Variants in PARP4 observed in about 807,000 individuals in gnomAD.
PARP4 encodes poly(ADP-ribose) polymerase family member 4.
A neutral mutation model predicts 187.7 loss-of-function variants in PARP4; 120 were observed. That is an observed-to-expected ratio of 0.64 (90% CI 0.55 to 0.74). The LOEUF (loss-of-function observed/expected upper bound fraction) is 0.74. Ranked by LOEUF, PARP4 falls within the 30% of genes least tolerant of loss-of-function variation. The pLI, the probability that PARP4 is intolerant of heterozygous loss-of-function variation, is 0.00. For synonymous variants in PARP4, 654 were observed against 740.9 expected (o/e 0.88, Z 1.90); for missense variants, 1,836 against 2,070.5 (o/e 0.89, Z 2.20).
At chr13:24,439,801 T>C (rs534356998) in intron 30 of PARP4, among the ~76,000 whole-genome samples, 137 of 152,244 alleles carry the variant, frequency 9.0e-4, no homozygotes, top group African/African-American at 3.2e-3. Context: ...AACAATGCAC[T>C]CCAAGGGCCC....
At chr13:24,502,966 G>A (rs1213217284) in intron 2 of PARP4, among the ~76,000 whole-genome samples, 10 of 152,190 alleles carry the variant, frequency 6.6e-5, no homozygotes, top group African/African-American at 1.4e-4. Context: ...TCATCAATTC[G>A]TCAACAGAGG....
intron 13 of PARP4, 40 bp from the exon 14 acceptor site, chr13:24,477,897 G>A (rs758641055): frequency 8.2e-6 from 12 of 1,460,894 alleles, no homozygotes; most frequent in Non-Finnish European, 1.1e-5. Flanking sequence ...AACAACAGAA[G>A]CAACAAAAAA....
intron 27 of PARP4, among the ~76,000 whole-genome samples, chr13:24,445,255 C>G (rs911334970): frequency 1.3e-5 from 2 of 151,880 alleles, no homozygotes; most frequent in African/African-American, 4.8e-5. Context: ...CTGAACTTCC[C>G]TACAGACATA....
chr13:24,487,639 C>T (rs190145423), intron 10 of PARP4, among the ~76,000 whole-genome samples: 113 of 152,102 alleles, frequency 7.4e-4, no homozygotes, highest in South Asian at 1.7e-3. Context: ...TTGGGGGAGA[C>T]GGGGGTACGG....
chr13:24,503,744 G>A lies in PARP4; in HGVS notation c.33C>T (p.Phe11=), dbSNP rs1869443286. 1 of 1,614,008 alleles carries A rather than the reference G, an allele frequency of 6.2e-7. No individual in the cohort carries two copies. The highest frequency in any genetic ancestry group is 8.5e-7 in the Non-Finnish European group (1 of 1,179,912). MVMGIFANCI[F]CLKVKYLPQQ... Reference sequence around the variant, plus strand: ...GAGGTAAGTACTTCACTTTCAAACAGAAGATACAATTTGCAAAGATTCCCA... The same window carrying A: ...GAGGTAAGTACTTCACTTTCAAACAAAAGATACAATTTGCAAAGATTCCCA... The change falls in exon 2 of 34, where the codon TTC becomes TTT. Residue 11 remains phenylalanine, a synonymous_variant. Transcript: ENST00000381989.
At chr13:24,426,957 G>A (rs566632730) in intron 32 of PARP4, among the ~76,000 whole-genome samples, 4 of 150,312 alleles carry the variant, frequency 2.7e-5, no homozygotes, top group Admixed American at 6.6e-5. Context: ...TGAGCAGATC[G>A]TGAAACTCTA....
intron 14 of PARP4, 132 bp downstream of exon 14, chr13:24,477,569 T>C (rs899997913): frequency 8.2e-5 from 48 of 585,660 alleles, no homozygotes; most frequent in Non-Finnish European, 1.2e-4. Flanking sequence ...AATTTTGAGA[T>C]TGAAAGGAAA....
intron 25 of PARP4, among the ~76,000 whole-genome samples, chr13:24,447,740 ATGCAGCCT>A (rs1447480318): frequency 6.6e-6 from 1 of 152,266 alleles, no homozygotes; most frequent in Non-Finnish European, 1.5e-5. Flanking sequence ...AATTACTAAT[ATGCAGCCT>A]TGGTATGAGT....
chr13:24,450,643 G>C (rs1871460147), intron 24 of PARP4, among the ~76,000 whole-genome samples: 1 of 152,182 alleles, frequency 6.6e-6, no homozygotes, highest in South Asian at 2.1e-4. Context: ...CGCCAAGGAG[G>C]AGGGCTGATG....
chr13:24,436,102 C>G (rs2137444477), intron 30 of PARP4, among the ~76,000 whole-genome samples: 1 of 152,078 alleles, frequency 6.6e-6, no homozygotes, highest in African/African-American at 2.4e-5. Context: ...TTTTAAACAC[C>G]CCTCATTTTA....
chr13:24,425,233 G>A (rs1284310928), intron 33 of PARP4, among the ~76,000 whole-genome samples: 8 of 147,190 alleles, frequency 5.4e-5, no homozygotes, highest in Admixed American at 3.3e-4. Context: ...CCCAGGAGGC[G>A]GAGGTTGCAG....
At chr13:24,461,840 C>G (rs140687482) in intron 17 of PARP4, among the ~76,000 whole-genome samples, 217 of 152,306 alleles carry the variant, frequency 1.4e-3, no homozygotes, top group African/African-American at 5.1e-3. Context: ...GATCAGAAGC[C>G]TTCCTTTCTA....
At position 24,434,984 on chromosome 13, in the gene PARP4, CCTGTGGGACAAGACGCCGA is replaced by C; in HGVS notation, c.4138_4156del (p.Ser1380AspfsTer21). The C allele has an allele frequency of 6.2e-7, 1 of 1,613,858 alleles. No individual in the cohort carries two copies. The highest frequency in any genetic ancestry group is 1.1e-5 in the South Asian group (1 of 91,050). ...TGAAGAAGGTGGGTTCTGGGGAGGT[CCTGTGGGACAAGACGCCGA>C]CTGTGGGATCCAGTCAGCACAAGTG... On this transcript the variant is annotated frameshift_variant, in exon 31 of 34. Coordinates refer to ENST00000381989, the MANE Select transcript of PARP4 (RefSeq NM_006437.4). LOFTEE classifies it high-confidence loss of function.
chr13:24,506,437 T>G (rs919565683), intron 1 of PARP4, among the ~76,000 whole-genome samples: 2 of 152,016 alleles, frequency 1.3e-5, no homozygotes, highest in Admixed American at 1.3e-4. Flanking sequence ...GGCAGCCTGC[T>G]TTTATTCCCT....
At chr13:24,432,210 G>A (rs1443541812) in intron 31 of PARP4, among the ~76,000 whole-genome samples, 1 of 151,852 alleles carries the variant, frequency 6.6e-6, no homozygotes, top group South Asian at 2.1e-4. Flanking sequence ...TCTTTGTGTC[G>A]GCAACATTTC....
intron 17 of PARP4, among the ~76,000 whole-genome samples, chr13:24,467,914 C>G (rs78255588): frequency 3.8e-4 from 58 of 152,318 alleles, no homozygotes; most frequent in African/African-American, 1.3e-3. Context: ...ATAGAGCCAG[C>G]ATTCTTAACT....
intron 33 of PARP4, among the ~76,000 whole-genome samples, chr13:24,425,656 T>TG (rs1040089505): frequency 6.6e-6 from 1 of 151,098 alleles, no homozygotes; most frequent in Non-Finnish European, 1.5e-5. Flanking sequence ...TGCCATGGGG[T>TG]GGGGGGTCTG....
intron 10 of PARP4, 117 bp from the exon 11 acceptor site, chr13:24,486,422 A>G: frequency 1.4e-6 from 1 of 703,532 alleles, no homozygotes; most frequent in East Asian, 2.6e-5. Context: ...AACTGATTCA[A>G]TGAGTCACAG....
chr13:24,463,167 A>C (rs1371336539), intron 17 of PARP4, among the ~76,000 whole-genome samples: 1 of 152,216 alleles, frequency 6.6e-6, no homozygotes, highest in African/African-American at 2.4e-5. Context: ...TAGATGAACA[A>C]CACAAGAATT....
Sources: gnomAD v4.1 joint callset for allele counts (sites outside exome capture counted in the v4.1 genomes callset) on GRCh38, gnomAD v4.1.1 for gene constraint, MANE v1.5 for transcripts, NCBI Gene and HGNC (gene_info 2026-07-23, HGNC 2026-07-21) for gene names.